Variants in PITPNM1 observed in about 807,000 individuals in gnomAD.
The protein encoded by PITPNM1 is membrane-associated phosphatidylinositol transfer protein 1.
Under a neutral mutation model 133.3 loss-of-function variants are expected in PITPNM1, and 74 were observed. The ratio of observed to expected loss-of-function variants is 0.56; its 90% confidence interval spans 0.46 to 0.67. PITPNM1 has a LOEUF of 0.67. PITPNM1 is among the 30% of genes least tolerant of loss of function. The pLI, the probability that PITPNM1 is intolerant of heterozygous loss-of-function variation, is 0.00. For synonymous variants in PITPNM1, 738 were observed against 741.4 expected (o/e 1.00, Z 0.08); for missense variants, 1,398 against 1,739.5 (o/e 0.80, Z 3.49).
rs201501265 is a variant in PITPNM1, at chr11:67,497,957, G to C, written c.1742C>G (p.Ala581Gly). 1 of 1,611,134 alleles carries C rather than the reference G, an allele frequency of 6.2e-7. No individual in the cohort carries two copies. Among genetic ancestry groups the C allele is most frequent in the Non-Finnish European group, 8.5e-7 (1 of 1,179,956 alleles). ...GCTGCTGCCCCGACTCCCGGTGCCC[G>C]CGTTAGCACTGTGGCAGAGTGCATC... ...GFDALCHSAN[A>G]GTGSRGSSRR... Residue 581 changes from alanine (A) to glycine (G), a missense_variant, in exon 12 of 24, where the codon GCG becomes GGG. Physicochemically the swap from Ala to Gly is moderately conservative, Grantham distance 60. Around this residue, in one of 5 missense-constraint regions of PITPNM1, gnomAD observed 574 missense variants for 698.7 expected, o/e 0.82. Coordinates refer to ENST00000356404, the MANE Select transcript of PITPNM1 (RefSeq NM_004910.3).
In PITPNM1 at chr11:67,498,198, C is replaced by T. The variant is rs201550258; in HGVS notation, c.1609G>A (p.Ala537Thr). 42 of 1,613,104 alleles carry T rather than the reference C, an allele frequency of 2.6e-5. No homozygotes were observed. The highest frequency in any genetic ancestry group is 3.1e-5 in the Non-Finnish European group (37 of 1,179,926). ...RYQGAVATVI[A>T]RTNQAYSAFL... ...GCTGAGTAGGCCTGGTTGGTGCGGG[C>T]AATGACGGTGGCCACGGCGCCCTGG... Residue 537 changes from alanine to threonine, a missense_variant, in exon 11 of 24, where the codon GCC becomes ACC. By Grantham distance (58) the Ala-to-Thr change is moderately conservative. Around this residue, in one of 5 missense-constraint regions of PITPNM1, gnomAD observed 574 missense variants for 698.7 expected, o/e 0.82. Coordinates refer to ENST00000356404, the MANE Select transcript of PITPNM1 (RefSeq NM_004910.3). The surrounding 1 kb of genome is among the most constrained non-coding windows in gnomAD (Gnocchi z 5.7).
chr11:67,494,715 G>A (rs1866050890), intron 18 of PITPNM1, 131 bp downstream of exon 18: 3 of 639,998 alleles, frequency 4.7e-6, no homozygotes, highest in Admixed American at 2.5e-5. Flanking sequence ...CCCCAGGGGC[G>A]GGGCAGGACT....
chr11:67,498,994 T>TTG lies in PITPNM1; in HGVS notation c.1178_1179insCA (p.Ala394LysfsTer64). The TTG allele has an allele frequency of 6.2e-7, 1 of 1,611,620 alleles. No individual in the cohort carries two copies. Among genetic ancestry groups the TTG allele is most frequent in the Non-Finnish European group, 8.5e-7 (1 of 1,179,208 alleles). ...CCTCAATGCCTTTAGCTGCCTCGGCTCCAGGCTCTGCAGGGCAACGAAGCC... is the reference window on the plus strand; with the variant it reads ...CCTCAATGCCTTTAGCTGCCTCGGCTTGCCAGGCTCTGCAGGGCAACGAAGCC... On this transcript the variant is annotated frameshift_variant, in exon 9 of 24. Transcript: ENST00000356404. LOFTEE classifies it high-confidence loss of function. The surrounding 1 kb of genome is among the most constrained non-coding windows in gnomAD (Gnocchi z 5.7).
intron 5 of PITPNM1, 120 bp from the exon 6 acceptor site, chr11:67,500,541 A>G (rs1866293174): frequency 2.1e-6 from 2 of 945,122 alleles, no homozygotes; most frequent in African/African-American, 3.2e-5. Flanking sequence ...CCAGAGCCAC[A>G]AAGTAGGGCA....
intron 15 of PITPNM1, 138 bp from the exon 16 acceptor site, chr11:67,495,740 C>G: frequency 1.2e-6 from 1 of 820,246 alleles, no homozygotes; most frequent in African/African-American, 1.8e-5. Flanking sequence ...GTGGCATTCT[C>G]TCCTCTCAGC....
Position 67,495,487 on chromosome 11 carries a change from G to T in PITPNM1, c.2433C>A (p.Asp811Glu), listed in dbSNP as rs1866090113. The T allele has an allele frequency of 6.4e-7, 1 of 1,566,960 alleles. No homozygotes were observed. Among genetic ancestry groups the T allele is most frequent in the East Asian group, 2.3e-5 (1 of 43,704 alleles). Residue 811 changes from aspartate (D) to glutamate (E), a missense_variant, in exon 16 of 24, where the codon GAC becomes GAA. Physicochemically the swap from Asp to Glu is conservative, Grantham distance 45 (BLOSUM62 2). This residue lies in a region of PITPNM1 where 574 missense variants were observed against 698.7 expected (regional missense o/e 0.82). Coordinates refer to ENST00000356404, the MANE Select transcript of PITPNM1 (RefSeq NM_004910.3). ...AFWKGSELAT[D>E]PPAQPAAPST... ...TGGGGGCGGCTGGCTGGGCCGGGGG[G>T]TCAGTGGCCAACTCACTGCCCTTCC...
Position 67,491,779 on chromosome 11 carries a change from T to G in PITPNM1, c.*254A>C, listed in dbSNP as rs1591048821. On this transcript the variant is annotated 3_prime_UTR_variant, in exon 24 of 24. Coordinates refer to ENST00000356404, the MANE Select transcript of PITPNM1 (RefSeq NM_004910.3). ...ATGGGGTGAGTGGGTGGGGTGCAGG[T>G]GGCGTTTATTTTCATGGATTTATAC... is the stretch of plus-strand genomic sequence containing the variant. The G allele has an allele frequency of 4.0e-6, 2 of 499,424 alleles. No individual in the cohort carries two copies. The highest frequency in any genetic ancestry group is 6.9e-5 in the East Asian group (2 of 29,194). The allele number at this position is 499,424 out of a possible 1,614,324, so 30.9% of individuals were successfully genotyped here. A position where few individuals can be genotyped will look rare whatever the true frequency, so the allele number is the denominator to read the frequency against.
At chr11:67,494,732 G>A in intron 18 of PITPNM1, 114 bp downstream of exon 18, 1 of 676,920 alleles carries the variant, frequency 1.5e-6, no homozygotes, top group Admixed American at 2.2e-5. Flanking sequence ...GACTGGGAGA[G>A]AGTTGGATCG....
Position 67,502,826 on chromosome 11 carries a change from T to A in PITPNM1, c.79-108A>T. 1 of 1,110,604 alleles carries A rather than the reference T, an allele frequency of 9.0e-7. No individual in the cohort carries two copies. The highest frequency in any genetic ancestry group is 1.3e-6 in the Non-Finnish European group (1 of 771,738). 68.8% of individuals were successfully genotyped at this position (1,110,604 alleles called of 1,614,324 possible). A position where few individuals can be genotyped will look rare whatever the true frequency, so the allele number is the denominator to read the frequency against. On this transcript the variant is annotated intron_variant, in intron 2 of 23. Coordinates refer to ENST00000356404, the MANE Select transcript of PITPNM1 (RefSeq NM_004910.3). The surrounding 1 kb of genome is among the most constrained non-coding windows in gnomAD (Gnocchi z 5.9). ...AGCTCTGGGGCCCTGGTCCCAGCCT[T>A]TTCAACTCCCTGAAACCAGACCCCG...
Position 67,505,330 on chromosome 11 carries a change from C to T in PITPNM1, c.-184G>A, listed in dbSNP as rs1473574207. On this transcript the variant is annotated 5_prime_UTR_variant, in exon 1 of 24. Coordinates refer to ENST00000356404, the MANE Select transcript of PITPNM1 (RefSeq NM_004910.3). This position sits in a 1 kb window ranked among gnomAD's most constrained non-coding sequence, Gnocchi z 5.8. ...GAGGCGCAGTGCCGGCCCATGGCCC[C>T]GACCTTCCTCTCGATCCGCCCGCCG... The T allele has an allele frequency of 6.6e-6, 1 of 151,862 alleles. No individual in the cohort carries two copies. 9.4% of individuals were successfully genotyped at this position (151,862 alleles called of 1,614,324 possible).
Position 67,493,803 on chromosome 11 carries a change from C to G in PITPNM1, c.3043G>C (p.Val1015Leu). The change falls in exon 21 of 24, where the codon GTG becomes CTG. Residue 1015 changes from valine (V) to leucine (L), a missense_variant. Around this residue, in one of 5 missense-constraint regions of PITPNM1, gnomAD observed 233 missense variants for 378.0 expected, o/e 0.62. Transcript: ENST00000356404. ...DHTYAECCLT[V>L]VARGTEAVVF... ...ACAGCCTCCGTGCCGCGGGCCACCACAGTCAGGCAGCATTCGGCATAGGTG... is the reference window on the plus strand; with the variant it reads ...ACAGCCTCCGTGCCGCGGGCCACCAGAGTCAGGCAGCATTCGGCATAGGTG... 1.3e-6 allele frequency: 2 copies of G among 1,550,024 alleles called. No individual in the cohort carries two copies. The highest frequency in any genetic ancestry group is 1.2e-5 in the South Asian group (1 of 84,256).
intron 2 of PITPNM1, among the ~76,000 whole-genome samples, chr11:67,503,061 G>A (rs181107785): frequency 6.6e-6 from 1 of 152,220 alleles, no homozygotes; most frequent in African/African-American, 2.4e-5. Flanking sequence ...GAAGGAGACA[G>A]ACAAAAGGAA....
chr11:67,496,248 C>T lies in PITPNM1; in HGVS notation c.2247G>A (p.Gln749=), dbSNP rs763135032. 1 of 1,559,172 alleles carries T rather than the reference C, an allele frequency of 6.4e-7. No individual in the cohort carries two copies. Among genetic ancestry groups the T allele is most frequent in the Non-Finnish European group, 8.6e-7 (1 of 1,160,246 alleles). The change falls in exon 15 of 24, where the codon CAG becomes CAA. Residue 749 remains glutamine (Q), a synonymous_variant. Transcript: ENST00000356404. ...RLEPLLAPKF[Q]AIAPLTVPRY... ...GGGGCACGGTCAGTGGGGCGATGGC[C>T]TGGAACTTCGGGGCCAGCAGGGGCT...
intron 15 of PITPNM1, among the ~76,000 whole-genome samples, chr11:67,495,823 C>T (rs1866100424): frequency 6.6e-6 from 1 of 152,260 alleles, no homozygotes; most frequent in Non-Finnish European, 1.5e-5. Context: ...GTGCCCAACA[C>T]AGGCCCGCTT....
In PITPNM1 at chr11:67,500,226, C is replaced by G; in HGVS notation, c.836G>C (p.Arg279Pro). ...GGTGCCAGTGTTGCTGGCCGCAGAC[C>G]GGGCCTCGGTGCTCGGTTTCCCGGG... ...QPPGKPSTEA[R>P]SAASNTGTPD... Residue 279 changes from arginine to proline, a missense_variant, in exon 6 of 24, where the codon CGG (arginine) becomes CCG (proline). Coordinates refer to ENST00000356404, the MANE Select transcript of PITPNM1 (RefSeq NM_004910.3). The G allele has an allele frequency of 6.2e-7, 1 of 1,604,552 alleles. No individual in the cohort carries two copies. The highest frequency in any genetic ancestry group is 8.5e-7 in the Non-Finnish European group (1 of 1,179,608).
At position 67,498,812 on chromosome 11, in the gene PITPNM1, G is replaced by C. The variant is rs992975228; in HGVS notation, c.1268C>G (p.Ala423Gly). ...LDGAGELGAE[A>G]CAVHALFLIL... is the part of the protein sequence containing the mutation. ...AAGGAAGAGGGCGTGGACTGCGCAT[G>C]CCTCAGCCCCCAGCTCCCCGGCTCC... Residue 423 changes from alanine (A) to glycine (G), a missense_variant, in exon 10 of 24, where the codon GCA becomes GGA. This residue lies in a region of PITPNM1 where 574 missense variants were observed against 698.7 expected (regional missense o/e 0.82). Transcript: ENST00000356404. This position sits in a 1 kb window ranked among gnomAD's most constrained non-coding sequence, Gnocchi z 5.7. 12 of 1,611,526 alleles carry C rather than the reference G, an allele frequency of 7.4e-6. No homozygotes were observed. Among genetic ancestry groups the C allele is most frequent in the Middle Eastern group, 3.3e-4 (2 of 6,030 alleles).
At chr11:67,501,782 T>G in intron 5 of PITPNM1, 80 bp downstream of exon 5, 1 of 1,231,156 alleles carries the variant, frequency 8.1e-7, no homozygotes. Flanking sequence ...GTGTCCCCAG[T>G]GGATGGGAGC....
chr11:67,502,410 G>A lies in PITPNM1; in HGVS notation c.297C>T (p.Tyr99=). 6.2e-7 allele frequency: 1 copy of A among 1,613,910 alleles called. No individual in the cohort carries two copies. Among genetic ancestry groups the A allele is most frequent in the Non-Finnish European group, 8.5e-7 (1 of 1,180,018 alleles). ...AGAATTTCTCCACGAAAGGGCAGGTGTACCTGGGCAGAAGGCACGGGTGAG... is the reference window on the plus strand; with the variant it reads ...AGAATTTCTCCACGAAAGGGCAGGTATACCTGGGCAGAAGGCACGGGTGAG... The part of the protein sequence containing the change: ...WNAYPYTRTR[Y]TCPFVEKFSI... Residue 99 remains tyrosine (Y), a synonymous_variant, in exon 4 of 24, where the codon TAC becomes TAT. Coordinates refer to ENST00000356404, the MANE Select transcript of PITPNM1 (RefSeq NM_004910.3). This position sits in a 1 kb window ranked among gnomAD's most constrained non-coding sequence, Gnocchi z 5.9.
intron 17 of PITPNM1, 48 bp downstream of exon 17, chr11:67,495,029 C>A: frequency 6.2e-7 from 1 of 1,608,248 alleles, no homozygotes; most frequent in South Asian, 1.1e-5. Context: ...CCCAAAGCAG[C>A]CCATCCCCGT....
Sources: gnomAD v4.1 joint callset for allele counts (sites outside exome capture counted in the v4.1 genomes callset) on GRCh38, gnomAD v4.1.1 for gene constraint, gnomAD v4.1.1 regional missense constraint, Gnocchi (gnomAD v3.1) non-coding constraint, MANE v1.5 for transcripts, NCBI Gene and HGNC (gene_info 2026-07-23, HGNC 2026-07-21) for gene names.